Variants in STAB2 observed in about 807,000 individuals in gnomAD.
The protein encoded by STAB2 is stabilin 2.
In STAB2, 288 loss-of-function variants were observed where a neutral mutation model predicts 338.1. The observed-to-expected ratio is 0.85, with a 90% CI of 0.77 to 0.94. The LOEUF is 0.94. Among genes scored for constraint, STAB2 ranks in the 40% least tolerant of loss-of-function variants. The pLI is 0.00. For missense variants in STAB2, 3,141 were observed against 3,210.1 expected, an observed-to-expected ratio of 0.98 and a Z score of 0.52; for synonymous variants, 1,202 against 1,193.3, an observed-to-expected ratio of 1.01 and a Z score of -0.15.
chr12:103,672,324 T>C (rs1338835251), intron 22 of STAB2, among the ~76,000 whole-genome samples: 1 of 152,146 alleles, frequency 6.6e-6, no homozygotes, highest in African/African-American at 2.4e-5. Flanking sequence ...TCAGGGTTTA[T>C]CCCAAGGCCT....
chr12:103,729,118 T>G, intron 48 of STAB2, 123 bp downstream of exon 48: 1 of 871,376 alleles, frequency 1.1e-6, no homozygotes, highest in South Asian at 1.6e-5. Context: ...CAATGCTGCA[T>G]GTCCTCACTT....
intron 15 of STAB2, among the ~76,000 whole-genome samples, chr12:103,655,813 G>T (rs571115958): frequency 7.9e-5 from 12 of 152,192 alleles, no homozygotes; most frequent in African/African-American, 2.4e-4. Context: ...AATTAGACTT[G>T]ATACAGGAAA....
chr12:103,730,034 A>C (rs1393528456), intron 48 of STAB2, 82 bp from the exon 49 acceptor site: 2 of 1,371,620 alleles, frequency 1.5e-6, no homozygotes, highest in Admixed American at 5.1e-5. Context: ...AATTTGACAC[A>C]TTGGTAAAGC....
intron 1 of STAB2, 44 bp downstream of exon 1, chr12:103,587,601 G>A (rs1231087162): frequency 7.3e-6 from 11 of 1,511,402 alleles, no homozygotes; most frequent in African/African-American, 2.8e-5. Flanking sequence ...TAATTGTCAT[G>A]ATATGTTCAA....
Position 103,707,050 on chromosome 12 carries a change from A to G in STAB2, c.4192+63A>G, listed in dbSNP as rs368639706. On this transcript the variant is annotated intron_variant, in intron 38 of 68. Transcript: ENST00000388887. Reference sequence around the variant, plus strand: ...TGAAACCAACCAGGAATATGCAGGGAAAGAGTGATCCCACACGTGCTCTCT... The same window carrying G: ...TGAAACCAACCAGGAATATGCAGGGGAAGAGTGATCCCACACGTGCTCTCT... 6.8e-5 allele frequency: 107 copies of G among 1,570,770 alleles called. 2 individuals carry two copies. The East Asian group carries it at 1.1e-3, about 16-fold the overall frequency.
chr12:103,594,619 T>C, intron 3 of STAB2, 109 bp downstream of exon 3: 1 of 892,356 alleles, frequency 1.1e-6, no homozygotes, highest in Non-Finnish European at 1.8e-6. Flanking sequence ...CATCCGTTTG[T>C]AGAAATTTCT....
At chr12:103,636,478 C>G (rs1334033826) in intron 6 of STAB2, among the ~76,000 whole-genome samples, 1 of 151,798 alleles carries the variant, frequency 6.6e-6, no homozygotes, top group African/African-American at 2.4e-5. Flanking sequence ...AATAGGTACC[C>G]TAAGATCAGG....
intron 34 of STAB2, among the ~76,000 whole-genome samples, chr12:103,699,535 A>T (rs1278073130): frequency 6.6e-6 from 1 of 151,970 alleles, no homozygotes; most frequent in Non-Finnish European, 1.5e-5. Context: ...ATCAGATCTC[A>T]TGAGACTTAT....
chr12:103,760,646 G>A (rs1254086769), intron 65 of STAB2, among the ~76,000 whole-genome samples: 1 of 152,182 alleles, frequency 6.6e-6, no homozygotes, highest in Non-Finnish European at 1.5e-5. Flanking sequence ...GACCGTGGGG[G>A]TAGCGGTGGA....
rs764801672 is a variant in STAB2 at position 103,620,499 on chromosome 12, T to C, written c.363T>C (p.Asn121=). The change falls in exon 4 of 69, where the codon AAT becomes AAC. Residue 121 remains asparagine (N), a synonymous_variant. Transcript: ENST00000388887. The part of the protein sequence containing the change: ...ECPGGAGSPC[N]GRGSCAEGME... ...CAGGTGGAGCGGGGTCACCCTGCAA[T>C]GGCAGAGGCAGTTGTGCTGAAGGCA... 1.3e-6 allele frequency: 2 copies of C among 1,584,934 alleles called. No homozygotes were observed. The highest frequency in any genetic ancestry group is 2.3e-5 in the South Asian group (2 of 86,790).
intron 4 of STAB2, among the ~76,000 whole-genome samples, chr12:103,621,630 G>T (rs1248403906): frequency 6.6e-6 from 1 of 152,192 alleles, no homozygotes; most frequent in Non-Finnish European, 1.5e-5. Flanking sequence ...TACTCGGGAG[G>T]CTGAAGCAGG....
intron 5 of STAB2, 47 bp from the exon 6 acceptor site, chr12:103,631,551 C>A: frequency 6.5e-7 from 1 of 1,542,558 alleles, no homozygotes; most frequent in Non-Finnish European, 9.0e-7. Context: ...GAATGTTTAG[C>A]AACAGTCTAT....
intron 35 of STAB2, among the ~76,000 whole-genome samples, chr12:103,703,664 A>G (rs1036603106): frequency 2.6e-5 from 4 of 152,168 alleles, no homozygotes; most frequent in African/African-American, 7.2e-5. Flanking sequence ...TATGGCAGTT[A>G]TGGGCCAAGC....
At position 103,746,596 on chromosome 12, in the gene STAB2, G is replaced by T. The variant is rs1883053886; in HGVS notation, c.6137-1G>T. The T allele has an allele frequency of 1.2e-6, 2 of 1,614,020 alleles. No individual in the cohort carries two copies. Among genetic ancestry groups the T allele is most frequent in the East Asian group, 4.5e-5 (2 of 44,886 alleles). The stretch of plus-strand genomic sequence containing the variant: ...AATGAAAGTGGCCCCTTTCTTTGCA[G>T]TTTTGCCTGCAGTGTGTACGCCTCC... On this transcript the variant is annotated splice_acceptor_variant, in intron 57 of 68. Coordinates refer to ENST00000388887, the MANE Select transcript of STAB2 (RefSeq NM_017564.10). LOFTEE classifies it high-confidence loss of function.
At chr12:103,632,654 C>A (rs1565973743) in intron 6 of STAB2, among the ~76,000 whole-genome samples, 1 of 152,216 alleles carries the variant, frequency 6.6e-6, no homozygotes, top group Non-Finnish European at 1.5e-5. Context: ...ACTCTGGGTG[C>A]ACCGCTGGGG....
rs1221381457 is a variant in STAB2 at position 103,587,430 on chromosome 12, G to A, written c.-47G>A. 1 of 1,506,232 alleles carries A rather than the reference G, an allele frequency of 6.6e-7. No homozygotes were observed. Among genetic ancestry groups the A allele is most frequent in the Non-Finnish European group, 9.2e-7 (1 of 1,089,630 alleles). 93.3% of individuals were successfully genotyped at this position (1,506,232 alleles called of 1,614,324 possible). A position where few individuals can be genotyped will look rare whatever the true frequency, so the allele number is the denominator to read the frequency against. On this transcript the variant is annotated 5_prime_UTR_variant, in exon 1 of 69. Coordinates refer to ENST00000388887, the MANE Select transcript of STAB2 (RefSeq NM_017564.10). ...TATCAAACTAAGTTAAAATAGCTAA[G>A]TCAGCCTGACAGGTGCTTGGCACAG...
At chr12:103,640,924 G>T (rs1872880077) in intron 9 of STAB2, among the ~76,000 whole-genome samples, 1 of 152,168 alleles carries the variant, frequency 6.6e-6, no homozygotes, top group Non-Finnish European at 1.5e-5. Flanking sequence ...TTGTTGTGAT[G>T]ATTACATGAG....
chr12:103,696,219 A>G (rs1413485440), intron 33 of STAB2, among the ~76,000 whole-genome samples: 1 of 152,120 alleles, frequency 6.6e-6, no homozygotes, highest in Admixed American at 6.5e-5. Flanking sequence ...ATGAAACCAC[A>G]TGGAGAAACC....
At chr12:103,668,520 G>C in intron 19 of STAB2, 123 bp from the exon 20 acceptor site, 1 of 864,816 alleles carries the variant, frequency 1.2e-6, no homozygotes, top group South Asian at 1.5e-5. Flanking sequence ...GTGTGGTCCA[G>C]CACTCTCTCC....
Sources: gnomAD v4.1 joint callset for allele counts (sites outside exome capture counted in the v4.1 genomes callset) on GRCh38, gnomAD v4.1.1 for gene constraint, MANE v1.5 for transcripts, NCBI Gene and HGNC (gene_info 2026-07-23, HGNC 2026-07-21) for gene names.